GNG4: variants seen among roughly 807,000 people sequenced by gnomAD.
GNG4 encodes the protein guanine nucleotide-binding protein G(I)/G(S)/G(O) subunit gamma-4.
GNG4 carries 4 observed loss-of-function variants against 5.8 expected under a neutral mutation model. That is an observed-to-expected ratio of 0.69 (90% CI 0.34 to 1.57). The LOEUF (loss-of-function observed/expected upper bound fraction) is 1.57, where lower values mean the gene tolerates loss of function less well. Among genes scored for constraint, GNG4 ranks in the 40% most tolerant of loss-of-function variants. The pLI is 0.06. For synonymous variants in GNG4, 29 were observed against 32.9 expected (o/e 0.88, Z 0.41); for missense variants, 96 against 95.1 (o/e 1.01, Z -0.04).
intron 1 of GNG4, among the ~76,000 whole-genome samples, chr1:235,641,002 A>C (rs554276356): frequency 6.6e-6 from 1 of 152,354 alleles, no homozygotes; most frequent in African/African-American, 2.4e-5. Flanking sequence ...ACACTACCAA[A>C]TACTCCTTTT....
chr1:235,577,266 C>G (rs1236854693), intron 3 of GNG4, among the ~76,000 whole-genome samples: 1 of 152,172 alleles, frequency 6.6e-6, no homozygotes, highest in Non-Finnish European at 1.5e-5. Context: ...GTGCTCTCAC[C>G]TGGAAGCCAG....
chr1:235,591,223 C>T (rs1254884855), intron 2 of GNG4, among the ~76,000 whole-genome samples: 3 of 152,208 alleles, frequency 2.0e-5, no homozygotes, highest in Non-Finnish European at 2.9e-5. Flanking sequence ...GCTCCTGGCT[C>T]ATTACCCACC....
At chr1:235,597,783 A>C (rs1269464385) in intron 1 of GNG4, among the ~76,000 whole-genome samples, 1 of 151,090 alleles carries the variant, frequency 6.6e-6, no homozygotes, top group Non-Finnish European at 1.5e-5. Flanking sequence ...CCACCACCAC[A>C]CCTGGCTAAT....
At chr1:235,554,063 G>T (rs1335111901) in intron 3 of GNG4, among the ~76,000 whole-genome samples, 3 of 152,184 alleles carry the variant, frequency 2.0e-5, no homozygotes, top group East Asian at 3.9e-4. Flanking sequence ...CTGAGCCTGT[G>T]GGGGGCCTGT....
At chr1:235,598,682 A>G (rs566145961) in intron 1 of GNG4, among the ~76,000 whole-genome samples, 3 of 152,090 alleles carry the variant, frequency 2.0e-5, no homozygotes, top group South Asian at 2.1e-4. Context: ...TTAAGCCACA[A>G]TCTCTGGGGG....
At chr1:235,605,970 C>T (rs1226300525) in intron 1 of GNG4, among the ~76,000 whole-genome samples, 1 of 146,098 alleles carries the variant, frequency 6.8e-6, no homozygotes, top group African/African-American at 2.5e-5. Context: ...GGGTGGGTCT[C>T]ACTGTGTTGC....
At chr1:235,575,115 G>A (rs1687445086) in intron 3 of GNG4, among the ~76,000 whole-genome samples, 1 of 152,140 alleles carries the variant, frequency 6.6e-6, no homozygotes, top group African/African-American at 2.4e-5. Context: ...ATGAGCCACT[G>A]CGCCTCGCCA....
At chr1:235,591,847 T>G (rs575092311) in intron 2 of GNG4, among the ~76,000 whole-genome samples, 21 of 152,304 alleles carry the variant, frequency 1.4e-4, no homozygotes, top group African/African-American at 4.6e-4. Context: ...TGCACATAGG[T>G]CGCACCGGGG....
At chr1:235,566,983 C>T (rs551921109) in intron 3 of GNG4, 3 of 151,888 alleles carry the variant, frequency 2.0e-5, no homozygotes, top group South Asian at 4.2e-4. Flanking sequence ...GCTCTGTTGC[C>T]CTGGCTGGAG....
chr1:235,565,431 G>A (rs1489116719), intron 3 of GNG4, among the ~76,000 whole-genome samples: 4 of 152,198 alleles, frequency 2.6e-5, no homozygotes, highest in Admixed American at 1.3e-4. Flanking sequence ...TTGAACCCAG[G>A]AGGAGGAGGC....
intron 1 of GNG4, among the ~76,000 whole-genome samples, chr1:235,647,354 GAAGA>G (rs146986002): frequency 0.02 from 3,000 of 152,122 alleles, 117 homozygotes; most frequent in African/African-American, 0.067. Flanking sequence ...AAAATTCCAC[GAAGA>G]AAGGGGCAAT....
intron 1 of GNG4, among the ~76,000 whole-genome samples, chr1:235,606,944 C>CTTTTTTT (rs1181596456): frequency 8.1e-6 from 1 of 123,720 alleles, no homozygotes; most frequent in Non-Finnish European, 1.6e-5. Context: ...CCTTTCTTTC[C>CTTTTTTT]TTTTTTTTTT....
chr1:235,598,000 C>T (rs1688164663), intron 1 of GNG4, among the ~76,000 whole-genome samples: 1 of 152,160 alleles, frequency 6.6e-6, no homozygotes, highest in Non-Finnish European at 1.5e-5. Context: ...ACTGAGGCAA[C>T]TGGCTTCCCT....
Position 235,560,841 on chromosome 1 carries a change from T to C in GNG4, c.100-8604A>G, listed in dbSNP as rs1172595645. The stretch of plus-strand genomic sequence containing the variant: ...TCTAGAACTGCTCATCCTAATAACC[T>C]TTCCTCAATATGGCCAGATTTTTGG... On this transcript the variant is annotated intron_variant, in intron 3 of 3. Transcript: ENST00000391854. Among the ~76,000 whole-genome samples, 3 of 152,212 alleles carry C rather than the reference T, an allele frequency of 2.0e-5. No individual in the cohort carries two copies. In the East Asian group the frequency reaches 5.8e-4, roughly 29 times the overall value.
In GNG4 at chr1:235,587,362, TGTGTGTGA is replaced by T. The variant is rs1349410411; in HGVS notation, c.-10-3522_-10-3515del. The stretch of plus-strand genomic sequence containing the variant: ...GCATGTATGAGGGTCAGGGGTGGGG[TGTGTGTGA>T]GTGTGTGTGTGAGCACGTGTGTGAG... On this transcript the variant is annotated intron_variant, in intron 2 of 3. Transcript: ENST00000391854. 5.2e-4 allele frequency among the ~76,000 whole-genome samples: 18 copies of T among 34,674 alleles called. 1 individual carries two copies. In the East Asian group the frequency reaches 0.043, roughly 82 times the overall value. The allele number at this position is 34,674 out of a possible 152,430, so 22.7% of individuals were successfully genotyped here. A position where few individuals can be genotyped will look rare whatever the true frequency, so the allele number is the denominator to read the frequency against.
chr1:235,611,514 G>C (rs567814794), intron 1 of GNG4, among the ~76,000 whole-genome samples: 6 of 152,224 alleles, frequency 3.9e-5, no homozygotes, highest in African/African-American at 1.4e-4. Context: ...AGCACCAGCA[G>C]GAAGTCAGTG....
In GNG4 at chr1:235,621,318, G is replaced by A. The variant is rs556486912; in HGVS notation, c.-122-25807C>T. Among the ~76,000 whole-genome samples the A allele has an allele frequency of 4.5e-5, 6 of 133,980 alleles. No individual in the cohort carries two copies. The South Asian group carries it at 1.2e-3, about 26-fold the overall frequency. The allele number at this position is 133,980 out of a possible 152,430, so 87.9% of individuals were successfully genotyped here. On this transcript the variant is annotated intron_variant, in intron 1 of 3. Transcript: ENST00000391854. Reference sequence around the variant, plus strand: ...TTTTCTTTTTTTTTTTTGAGACAGAGTCTTGCTCTGTCACCCAGGCTGGAG... The same window carrying A: ...TTTTCTTTTTTTTTTTTGAGACAGAATCTTGCTCTGTCACCCAGGCTGGAG...
At chr1:235,616,635 C>T (rs938277582) in intron 1 of GNG4, among the ~76,000 whole-genome samples, 9 of 152,206 alleles carry the variant, frequency 5.9e-5, no homozygotes, top group African/African-American at 1.9e-4. Context: ...CTCCTTTTCT[C>T]TCTGTGACTC....
intron 1 of GNG4, among the ~76,000 whole-genome samples, chr1:235,620,164 G>A (rs993019071): frequency 3.9e-5 from 6 of 152,152 alleles, no homozygotes; most frequent in Non-Finnish European, 7.4e-5. Context: ...GGGAGTTCGA[G>A]ACCAGCCTGA....
Sources: gnomAD v4.1 joint callset for allele counts (sites outside exome capture counted in the v4.1 genomes callset) on GRCh38, gnomAD v4.1.1 for gene constraint, MANE v1.5 for transcripts, NCBI Gene and HGNC (gene_info 2026-07-23, HGNC 2026-07-21) for gene names.